The following SERPINB13 variants were observed in gnomAD, a reference collection of about 807,000 sequenced individuals.
SERPINB13 encodes serpin family B member 13, also known as serpin B13.
SERPINB13 carries 26 observed loss-of-function variants against 31.2 expected under a neutral mutation model. That is an observed-to-expected ratio of 0.83 (90% CI 0.61 to 1.15). The LOEUF (loss-of-function observed/expected upper bound fraction) is 1.15, where lower values mean the gene tolerates loss of function less well. SERPINB13 is among the 50% of genes most tolerant of loss of function. SERPINB13 has a pLI of 0.00. For missense variants in SERPINB13, 510 were observed against 469.4 expected (o/e 1.09, Z -0.80); for synonymous variants, 191 against 172.4 (o/e 1.11, Z -0.85).
chr18:63,597,366 T>C lies in SERPINB13; in HGVS notation c.*3T>C, dbSNP rs541059817. On this transcript the variant is annotated 3_prime_UTR_variant, in exon 8 of 8. Transcript: ENST00000344731. ...TCGGCAGATTTTCTTCTCCTTAAGA[T>C]GATCGTTGCCATGGCATTGCTGCTT... is the stretch of plus-strand genomic sequence containing the variant. The C allele has an allele frequency of 1.9e-6, 3 of 1,602,386 alleles. No homozygotes were observed. Among genetic ancestry groups the C allele is most frequent in the Non-Finnish European group, 2.6e-6 (3 of 1,172,354 alleles).
At position 63,588,686 on chromosome 18, in the gene SERPINB13, G is replaced by T; in HGVS notation, c.19G>T (p.Val7Phe). 1.9e-6 allele frequency: 3 copies of T among 1,614,156 alleles called. No individual in the cohort carries two copies. Among genetic ancestry groups the T allele is most frequent in the Non-Finnish European group, 2.5e-6 (3 of 1,180,002 alleles). MDSLGA[V>F]STRLGFDLFK... Reference sequence around the variant, plus strand: ...AATCATCATGGATTCACTTGGCGCCGTCAGCACTCGACTTGGGTTTGATCT... The same window carrying T: ...AATCATCATGGATTCACTTGGCGCCTTCAGCACTCGACTTGGGTTTGATCT... Residue 7 changes from valine to phenylalanine, a missense_variant, in exon 2 of 8, where the codon GTC becomes TTC. Physicochemically the swap from Val to Phe is conservative, Grantham distance 50. Coordinates refer to ENST00000344731, the MANE Select transcript of SERPINB13 (RefSeq NM_012397.4).
chr18:63,594,549 C>T (rs750690094), intron 6 of SERPINB13, 52 bp downstream of exon 6: 1 of 1,589,548 alleles, frequency 6.3e-7, no homozygotes. Flanking sequence ...AATGTAAAGT[C>T]TAAAGTCATG....
intron 7 of SERPINB13, among the ~76,000 whole-genome samples, chr18:63,596,168 G>A (rs1912155860): frequency 6.6e-6 from 1 of 152,114 alleles, no homozygotes. Context: ...GCACTCAAAT[G>A]ATAACTGCTA....
chr18:63,589,780 A>T, intron 3 of SERPINB13, 65 bp downstream of exon 3: 1 of 1,611,794 alleles, frequency 6.2e-7, no homozygotes, highest in Non-Finnish European at 8.5e-7. Flanking sequence ...GTAGAGTTGC[A>T]TTTTAGGTGT....
chr18:63,596,937 A>G, intron 7 of SERPINB13, 22 bp from the exon 8 acceptor site: 1 of 1,565,888 alleles, frequency 6.4e-7, no homozygotes, highest in Non-Finnish European at 8.7e-7. Flanking sequence ...ATGCCATTCT[A>G]CTCTTCTTTT....
Position 63,588,796 on chromosome 18 carries a change from G to T in SERPINB13, c.129G>T (p.Leu43=). The T allele has an allele frequency of 1.1e-5, 17 of 1,614,066 alleles. No individual in the cohort carries two copies. Among genetic ancestry groups the T allele is most frequent in the Non-Finnish European group, 1.4e-5 (17 of 1,179,990 alleles). ...TGACTGCAATTGGCATGGTCCTCCT[G>T]GGGACCCGAGGAGCCACCGCTTCCC... ...GILTAIGMVL[L]GTRGATASQL... is the part of the protein sequence containing the mutation. Residue 43 remains leucine (L), a synonymous_variant, in exon 2 of 8, where the codon CTG becomes CTT. Transcript: ENST00000344731.
Position 63,594,404 on chromosome 18 carries a change from G to A in SERPINB13, c.522G>A (p.Lys174=). Residue 174 remains lysine (K), a synonymous_variant, in exon 6 of 8, where the codon AAG becomes AAA. Transcript: ENST00000344731. ...ATGGCTCTATTAGTAGCTCTACCAA[G>A]CTGGTGCTGGTGAACATGGTTTATT... The part of the protein sequence containing the change: ...FPDGSISSST[K]LVLVNMVYFK... The A allele has an allele frequency of 6.2e-7, 1 of 1,614,172 alleles. No homozygotes were observed. Among genetic ancestry groups the A allele is most frequent in the Non-Finnish European group, 8.5e-7 (1 of 1,179,996 alleles).
At chr18:63,594,079 T>C (rs1912009578) in intron 5 of SERPINB13, 1 of 1,160,366 alleles carries the variant, frequency 8.6e-7, no homozygotes, top group African/African-American at 1.5e-5. Flanking sequence ...ATTCCTCAGC[T>C]GATAAGAGGC....
At chr18:63,592,716 A>G in intron 4 of SERPINB13, 138 bp from the exon 5 acceptor site, 3 of 715,780 alleles carry the variant, frequency 4.2e-6, no homozygotes, top group Non-Finnish European at 4.6e-6. Flanking sequence ...CAGGAACTCA[A>G]TGTGAGATGC....
At chr18:63,593,275 G>A (rs1022007187) in intron 5 of SERPINB13, among the ~76,000 whole-genome samples, 1 of 152,142 alleles carries the variant, frequency 6.6e-6, no homozygotes, top group Non-Finnish European at 1.5e-5. Context: ...GCTTGCTGGA[G>A]AACTGTTTAC....
chr18:63,595,663 G>A (rs2008004), intron 7 of SERPINB13, among the ~76,000 whole-genome samples: 117,822 of 151,642 alleles, frequency 0.78, 45,783 homozygotes, highest in East Asian at 0.89. Flanking sequence ...ACTTTAGGAG[G>A]CTGAGGCGGG....
At chr18:63,594,587 T>C in intron 6 of SERPINB13, 90 bp downstream of exon 6, 1 of 1,436,364 alleles carries the variant, frequency 7.0e-7, no homozygotes, top group Non-Finnish European at 9.5e-7. Context: ...ACACCTGTAA[T>C]CCCAGCACTT....
intron 2 of SERPINB13, among the ~76,000 whole-genome samples, chr18:63,589,370 C>T (rs1052019492): frequency 7.2e-5 from 11 of 151,766 alleles, no homozygotes; most frequent in Non-Finnish European, 1.2e-4. Context: ...GCAGAAGAAT[C>T]GCTTGAATCC....
chr18:63,592,586 T>G, intron 4 of SERPINB13, 110 bp downstream of exon 4: 1 of 1,126,716 alleles, frequency 8.9e-7, no homozygotes, highest in Non-Finnish European at 1.3e-6. Context: ...GCCACATCCC[T>G]GTGGTGCTTT....
chr18:63,591,701 C>T (rs1432237203), intron 3 of SERPINB13, among the ~76,000 whole-genome samples: 2 of 151,710 alleles, frequency 1.3e-5, no homozygotes, highest in African/African-American at 4.8e-5. Context: ...ATTATTTTTG[C>T]TGAAATATGT....
At chr18:63,588,552 T>A in intron 1 of SERPINB13, 99 bp from the exon 2 acceptor site, 1 of 1,253,440 alleles carries the variant, frequency 8.0e-7, no homozygotes, top group Non-Finnish European at 1.1e-6. Flanking sequence ...AATCCCTGTA[T>A]TCCGGATCGA....
intron 2 of SERPINB13, 137 bp downstream of exon 2, chr18:63,588,969 G>A (rs1365514379): frequency 1.6e-5 from 16 of 976,984 alleles, no homozygotes; most frequent in Non-Finnish European, 4.4e-6. Context: ...TTCAAGACAA[G>A]GAGCAATTTC....
rs1453419025 is a variant in SERPINB13, at chr18:63,594,510, GT to G, written c.615+16del. On this transcript the variant is annotated intron_variant, in intron 6 of 7. Coordinates refer to ENST00000344731, the MANE Select transcript of SERPINB13 (RefSeq NM_012397.4). Reference sequence around the variant, plus strand: ...TTGGATGAATAAGGTATGGCCCTTAGTTTATTTTCGTGATGTGCTTACACAT... The same window carrying G: ...TTGGATGAATAAGGTATGGCCCTTAGTTATTTTCGTGATGTGCTTACACAT... 6 of 1,612,054 alleles carry G rather than the reference GT, an allele frequency of 3.7e-6. No homozygotes were observed. In the African/African-American group the frequency reaches 8.0e-5, roughly 22 times the overall value.
rs765383404 is a variant in SERPINB13 at position 63,592,403 on chromosome 18, G to A, written c.281G>A (p.Ser94Asn). ...TTCCAAAAGTTTTTGACTGAAATAAGCAAACTCACTAATGATTATGAACTG... is the reference window on the plus strand; with the variant it reads ...TTCCAAAAGTTTTTGACTGAAATAAACAAACTCACTAATGATTATGAACTG... ...QQFQKFLTEISKLTNDYELNI... is the reference protein window; with the variant it reads ...QQFQKFLTEINKLTNDYELNI... The change falls in exon 4 of 8, where the codon AGC becomes AAC. Residue 94 changes from serine to asparagine, a missense_variant. Transcript: ENST00000344731. The A allele has an allele frequency of 7.4e-6, 12 of 1,613,008 alleles. No homozygotes were observed. In the South Asian group the frequency reaches 8.8e-5, roughly 12 times the overall value.
Sources: gnomAD v4.1 joint callset for allele counts (sites outside exome capture counted in the v4.1 genomes callset) on GRCh38, gnomAD v4.1.1 for gene constraint, MANE v1.5 for transcripts, NCBI Gene and HGNC (gene_info 2026-07-23, HGNC 2026-07-21) for gene names.